Variants in CENPK observed in about 807,000 individuals in gnomAD.
CENPK encodes SoxLZ/Sox6-binding protein Solt.
A neutral mutation model predicts 40.9 loss-of-function variants in CENPK; 46 were observed. That is an observed-to-expected ratio of 1.13 (90% CI 0.89 to 1.44). CENPK has a LOEUF of 1.44. CENPK is among the 40% of genes most tolerant of loss of function. The probability of loss-of-function intolerance (pLI) is 0.00; values close to 1 mark genes in which losing one functional copy is unlikely to be tolerated. For synonymous variants in CENPK, 107 were observed against 104.4 expected (o/e 1.02, Z -0.15); for missense variants, 288 against 303.5 (o/e 0.95, Z 0.38).
chr5:65,533,955 G>A (rs1023494839), intron 6 of CENPK, among the ~76,000 whole-genome samples: 1 of 150,364 alleles, frequency 6.7e-6, no homozygotes, highest in African/African-American at 2.5e-5. Context: ...GGCTGAGGCA[G>A]GAGAATGGCG....
rs1469027129 is a variant in CENPK, at chr5:65,518,460, A to G, written c.*15T>C. ...TGATAAGAATTTTTACTGTGTGAAA[A>G]AAGAAAACATCCTTTTACTGATGGA... On this transcript the variant is annotated 3_prime_UTR_variant, in exon 11 of 11. Transcript: ENST00000396679. The G allele has an allele frequency of 5.0e-6, 8 of 1,601,582 alleles. No homozygotes were observed. The Admixed American group carries it at 5.4e-5, about 11-fold the overall frequency.
chr5:65,501,244 A>G, the CENPK span, among the ~76,000 whole-genome samples: 1 of 131,442 alleles, frequency 7.6e-6, no homozygotes. Context: ...CAATGATGCA[A>G]TCTCGCTCAC....
At chr5:65,545,324 GCACACACACACACACA>G (rs869192025) in intron 5 of CENPK, among the ~76,000 whole-genome samples, 1,236 of 64,364 alleles carry the variant, frequency 0.019, 26 homozygotes, top group Middle Eastern at 0.11. Context: ...CTCAAAGCGC[GCACACACACACACACA>G]CACACACACA....
chr5:65,511,877 G>A, the CENPK span, among the ~76,000 whole-genome samples: 4 of 152,124 alleles, frequency 2.6e-5, no homozygotes, highest in Non-Finnish European at 5.9e-5. Context: ...AAAAAGATCA[G>A]AGATGGCTGC....
chr5:65,533,783 C>T (rs1388071001), intron 6 of CENPK, among the ~76,000 whole-genome samples: 1 of 151,780 alleles, frequency 6.6e-6, no homozygotes, highest in African/African-American at 2.4e-5. Flanking sequence ...TGCCTCAAGC[C>T]TGAAATCCCA....
intron 10 of CENPK, among the ~76,000 whole-genome samples, chr5:65,520,544 C>T (rs706659): frequency 0.76 from 115,262 of 152,048 alleles, 44,050 homozygotes; most frequent in East Asian, 0.89. Flanking sequence ...TGAGAAACTA[C>T]AGTCATCTTA....
Position 65,518,652 on chromosome 5 carries a change from C to G in CENPK, c.652-19G>C, listed in dbSNP as rs925572089. 1.3e-6 allele frequency: 2 copies of G among 1,499,816 alleles called. No homozygotes were observed. Among genetic ancestry groups the G allele is most frequent in the African/African-American group, 2.8e-5 (2 of 71,366 alleles). 92.9% of individuals were successfully genotyped at this position (1,499,816 alleles called of 1,614,324 possible). A position where few individuals can be genotyped will look rare whatever the true frequency, so the allele number is the denominator to read the frequency against. ...TAAGAATCTAGGAGAAAATATCATT[C>G]AAAATATACTTTACTTGGGAAAAAG... On this transcript the variant is annotated intron_variant, in intron 10 of 10. Coordinates refer to ENST00000396679, the MANE Select transcript of CENPK (RefSeq NM_022145.5).
chr5:65,550,044 T>A (rs796474465), intron 5 of CENPK, among the ~76,000 whole-genome samples: 31 of 152,102 alleles, frequency 2.0e-4, no homozygotes, highest in African/African-American at 7.5e-4. Flanking sequence ...AGCATGCACC[T>A]GCAATCCCAG....
intron 1 of CENPK, among the ~76,000 whole-genome samples, chr5:65,562,155 TATTATC>T (rs547738015): frequency 1.8e-3 from 267 of 152,136 alleles, no homozygotes; most frequent in Non-Finnish European, 3.0e-3. Context: ...GCTACATTAT[TATTATC>T]ATTATCATTA....
At chr5:65,542,730 G>A (rs1449080578) in intron 6 of CENPK, 72 bp downstream of exon 6, 3 of 1,102,850 alleles carry the variant, frequency 2.7e-6, no homozygotes, top group East Asian at 2.5e-5. Context: ...TATTTCTTAT[G>A]CCATGAACTT....
intron 9 of CENPK, among the ~76,000 whole-genome samples, chr5:65,526,533 C>T (rs1208173839): frequency 6.6e-6 from 1 of 152,012 alleles, no homozygotes; most frequent in East Asian, 1.9e-4. Context: ...TGAGAAGGTT[C>T]TATATAAAAG....
the CENPK span, among the ~76,000 whole-genome samples, chr5:65,509,171 T>C: frequency 2.0e-5 from 3 of 152,348 alleles, no homozygotes; most frequent in Non-Finnish European, 2.9e-5. Flanking sequence ...ATCTCCTGTA[T>C]AGTGCATTTG....
At chr5:65,548,335 T>C (rs1749376344) in intron 5 of CENPK, among the ~76,000 whole-genome samples, 1 of 152,236 alleles carries the variant, frequency 6.6e-6, no homozygotes, top group Non-Finnish European at 1.5e-5. Flanking sequence ...TTGCTAAAAA[T>C]TGCTAACTGA....
downstream of CENPK, among the ~76,000 whole-genome samples, chr5:65,512,770 T>C (rs1369801176): frequency 1.3e-5 from 2 of 152,220 alleles, no homozygotes; most frequent in African/African-American, 2.4e-5. Flanking sequence ...ATTAGGGCTA[T>C]ATTTAGCTTT....
At chr5:65,531,747 C>G (rs1032946867) in intron 6 of CENPK, among the ~76,000 whole-genome samples, 24 of 152,096 alleles carry the variant, frequency 1.6e-4, no homozygotes, top group African/African-American at 5.8e-4. Flanking sequence ...CGTGATCTGC[C>G]CGCCTCAGCC....
At chr5:65,523,040 AATGTAATGTATTCTGTATGT>A (rs1561619408) in intron 9 of CENPK, among the ~76,000 whole-genome samples, 1 of 152,206 alleles carries the variant, frequency 6.6e-6, no homozygotes, top group East Asian at 1.9e-4. Context: ...CTTATTCTGT[AATGTAATGTATTCTGTATGT>A]ATGTAATGTA....
intron 9 of CENPK, among the ~76,000 whole-genome samples, chr5:65,523,381 G>A (rs979602865): frequency 2.2e-4 from 33 of 152,236 alleles, no homozygotes; most frequent in African/African-American, 7.7e-4. Context: ...TGCCTACTAC[G>A]GTGACAACTA....
the CENPK span, among the ~76,000 whole-genome samples, chr5:65,500,496 G>A: frequency 1.3e-5 from 2 of 149,992 alleles, no homozygotes. Context: ...CATGTCCTTC[G>A]CCCACTTTTT....
chr5:65,555,628 G>A (rs1388614992), intron 2 of CENPK, among the ~76,000 whole-genome samples: 2 of 152,214 alleles, frequency 1.3e-5, no homozygotes, highest in African/African-American at 4.8e-5. Flanking sequence ...AATGACCCAA[G>A]CAAGATGTAG....
Sources: gnomAD v4.1 joint callset for allele counts (sites outside exome capture counted in the v4.1 genomes callset) on GRCh38, gnomAD v4.1.1 for gene constraint, MANE v1.5 for transcripts, NCBI Gene and HGNC (gene_info 2026-07-23, HGNC 2026-07-21) for gene names.